Variants in EYA1 observed in about 807,000 individuals in gnomAD.
EYA1 encodes EYA transcriptional coactivator and phosphatase 1.
Under a neutral mutation model 82.0 loss-of-function variants are expected in EYA1, and 16 were observed. The observed-to-expected ratio is 0.20, with a 90% CI of 0.13 to 0.30. The LOEUF (loss-of-function observed/expected upper bound fraction) is 0.30. EYA1 is among the 10% of genes least tolerant of loss of function. The pLI, the probability that EYA1 is intolerant of heterozygous loss-of-function variation, is 1.00. For missense variants in EYA1, 633 were observed against 730.7 expected, an observed-to-expected ratio of 0.87 and a Z score of 1.54; for synonymous variants, 261 against 264.4, an observed-to-expected ratio of 0.99 and a Z score of 0.12.
At chr8:71,437,451 T>C (rs1806098827) in intron 2 of EYA1, among the ~76,000 whole-genome samples, 1 of 152,032 alleles carries the variant, frequency 6.6e-6, no homozygotes, top group Non-Finnish European at 1.5e-5. Context: ...ATCTCTAAAA[T>C]GTGTCAGGTC....
At chr8:71,274,099 A>G (rs947647980) in intron 9 of EYA1, among the ~76,000 whole-genome samples, 5 of 152,338 alleles carry the variant, frequency 3.3e-5, no homozygotes, top group Middle Eastern at 3.4e-3. Flanking sequence ...AAAGAAAATA[A>G]ATTCATTCTG....
chr8:71,286,687 A>G (rs1818405892), intron 9 of EYA1, among the ~76,000 whole-genome samples: 1 of 151,832 alleles, frequency 6.6e-6, no homozygotes. Context: ...AAGAAGGCCA[A>G]TGATATTCCT....
At chr8:71,497,364 A>G (rs1175966688) in intron 2 of EYA1, among the ~76,000 whole-genome samples, 1 of 152,190 alleles carries the variant, frequency 6.6e-6, no homozygotes, top group Non-Finnish European at 1.5e-5. Context: ...CAAAATATAT[A>G]AGAACTCAAA....
intron 2 of EYA1, among the ~76,000 whole-genome samples, chr8:71,447,060 GA>G (rs966919431): frequency 1.3e-4 from 19 of 146,622 alleles, no homozygotes; most frequent in Non-Finnish European, 2.5e-4. Context: ...GTCATGCTCT[GA>G]AATCTCATTA....
At chr8:71,229,307 T>A (rs1810927646) in intron 12 of EYA1, among the ~76,000 whole-genome samples, 2 of 152,160 alleles carry the variant, frequency 1.3e-5, no homozygotes, top group South Asian at 4.1e-4. Flanking sequence ...ACAGTCTCAA[T>A]AATAACTACC....
At position 71,361,860 on chromosome 8, in the gene EYA1, GGGCT is replaced by G; in HGVS notation, c.-272_-269del. ...GGCGCCTGGCCGCTGCCGCAGGCTC[GGGCT>G]GCCGAGCGACTGAGCGAAAACGTGT... On this transcript the variant is annotated 5_prime_UTR_variant, in exon 1 of 18. The change abolishes the stop of an existing upstream ORF in the 5' untranslated region. Transcript: ENST00000340726. 5 of 985,412 alleles carry G rather than the reference GGGCT, an allele frequency of 5.1e-6. No individual in the cohort carries two copies. The highest frequency in any genetic ancestry group is 6.0e-6 in the Non-Finnish European group (5 of 829,922). 61.0% of individuals were successfully genotyped at this position (985,412 alleles called of 1,614,324 possible).
At chr8:71,461,993 G>A (rs1316591660) in intron 2 of EYA1, among the ~76,000 whole-genome samples, 1 of 152,128 alleles carries the variant, frequency 6.6e-6, no homozygotes, top group African/African-American at 2.4e-5. Context: ...AGGGGAGGAA[G>A]TGCATGCTGC....
intron 12 of EYA1, among the ~76,000 whole-genome samples, chr8:71,235,806 G>C (rs949649788): frequency 6.6e-6 from 1 of 152,104 alleles, no homozygotes; most frequent in Non-Finnish European, 1.5e-5. Flanking sequence ...ATAGCATGTC[G>C]GTTCTGAAAC....
At chr8:71,329,698 T>G (rs951236678) in intron 4 of EYA1, among the ~76,000 whole-genome samples, 2 of 152,154 alleles carry the variant, frequency 1.3e-5, no homozygotes, top group Non-Finnish European at 2.9e-5. Flanking sequence ...GGCAAATATG[T>G]GAGTGCCTAA....
At chr8:71,259,574 G>A (rs146625910) in intron 11 of EYA1, among the ~76,000 whole-genome samples, 1 of 152,276 alleles carries the variant, frequency 6.6e-6, no homozygotes, top group Non-Finnish European at 1.5e-5. Context: ...TCACTTCCTG[G>A]CTTCAAATGA....
chr8:71,511,860 A>AG (rs1467273602), intron 2 of EYA1, among the ~76,000 whole-genome samples: 1 of 152,162 alleles, frequency 6.6e-6, no homozygotes, highest in Non-Finnish European at 1.5e-5. Flanking sequence ...CAGGAAGGGG[A>AG]GAAAAAACAG....
At chr8:71,246,547 T>A (rs939300346) in intron 11 of EYA1, among the ~76,000 whole-genome samples, 1 of 152,242 alleles carries the variant, frequency 6.6e-6, no homozygotes, top group Admixed American at 6.5e-5. Context: ...ACATCTGCCA[T>A]GCCTGTTAAG....
intron 12 of EYA1, among the ~76,000 whole-genome samples, chr8:71,221,192 G>A (rs1284055974): frequency 3.9e-5 from 6 of 152,070 alleles, no homozygotes; most frequent in Admixed American, 1.3e-4. Context: ...CAATCAAACC[G>A]ATAAAATGGT....
intron 12 of EYA1, chr8:71,225,375 C>A: frequency 2.2e-6 from 1 of 455,398 alleles, no homozygotes; most frequent in Non-Finnish European, 4.4e-6. Context: ...CCTGTCATCT[C>A]TGTCTAGGGT....
rs866289260 is a variant in EYA1, at chr8:71,313,148, C to T, written c.556+4404G>A. Among the ~76,000 whole-genome samples the T allele has an allele frequency of 2.0e-5, 3 of 152,188 alleles. 1 individual carries two copies. Among genetic ancestry groups the T allele is most frequent in the South Asian group, 4.1e-4 (2 of 4,828 alleles). ...CCAACACCCCATTCACCACTGCTGC[C>T]ATACAGCTTTTCCTCTCTCCTGATT... On this transcript the variant is annotated intron_variant, in intron 7 of 17. Transcript: ENST00000340726.
chr8:71,387,219 A>G (rs1288786363), intron 2 of EYA1, among the ~76,000 whole-genome samples: 1 of 152,140 alleles, frequency 6.6e-6, no homozygotes, highest in African/African-American at 2.4e-5. Flanking sequence ...CAGGTAAGGA[A>G]GAAACTGAAT....
At chr8:71,309,442 C>T (rs1263183358) in intron 7 of EYA1, among the ~76,000 whole-genome samples, 1 of 151,984 alleles carries the variant, frequency 6.6e-6, no homozygotes, top group African/African-American at 2.4e-5. Flanking sequence ...AATTAAGGGG[C>T]AATTCTGCAC....
chr8:71,343,260 T>C lies in EYA1; in HGVS notation c.125-9086A>G, dbSNP rs1026758693. Among the ~76,000 whole-genome samples, 5 of 152,280 alleles carry C rather than the reference T, an allele frequency of 3.3e-5. 1 individual carries two copies. Among genetic ancestry groups the C allele is most frequent in the East Asian group, 3.9e-4 (2 of 5,172 alleles). On this transcript the variant is annotated intron_variant, in intron 3 of 17. Transcript: ENST00000340726. ...AATTCAGTTTTTGGAGCTGGTGCTA[T>C]ATTCCCCAAGTGCTTTCTCCCCCTT...
intron 2 of EYA1, among the ~76,000 whole-genome samples, chr8:71,487,065 A>G (rs1322447864): frequency 6.7e-6 from 1 of 149,574 alleles, no homozygotes; most frequent in Non-Finnish European, 1.5e-5. Context: ...CAGTTTGTCA[A>G]TGATAACCAC....
Sources: allele counts gnomAD v4.1 joint callset (sites outside exome capture counted in the v4.1 genomes callset), GRCh38; gene constraint gnomAD v4.1.1; transcripts MANE v1.5; gene names NCBI Gene and HGNC (gene_info 2026-07-23, HGNC 2026-07-21).